GID4: variants seen among roughly 807,000 people sequenced by gnomAD.
GID4 encodes glucose-induced degradation protein 4 homolog.
A neutral mutation model predicts 32.4 loss-of-function variants in GID4; 7 were observed. The ratio of observed to expected loss-of-function variants is 0.22; its 90% CI spans 0.12 to 0.41. The LOEUF is 0.41. Ranked by LOEUF, GID4 falls within the 10% of genes least tolerant of loss-of-function variation. GID4 has a pLI of 1.00. For missense variants in GID4, 309 were observed against 400.0 expected (o/e 0.77, Z 1.94); for synonymous variants, 166 against 170.0 (o/e 0.98, Z 0.18).
At chr17:18,055,041 G>A (rs2044952108) in intron 3 of GID4, among the ~76,000 whole-genome samples, 1 of 151,988 alleles carries the variant, frequency 6.6e-6, no homozygotes, top group African/African-American at 2.4e-5. Flanking sequence ...CGTGGTGGTG[G>A]GCACCCGTAG....
intron 5 of GID4, among the ~76,000 whole-genome samples, 169 bp from the exon 6 acceptor site, chr17:18,065,011 A>G (rs933043166): frequency 1.3e-5 from 2 of 152,242 alleles, no homozygotes; most frequent in Non-Finnish European, 2.9e-5. Flanking sequence ...AAAAAAAGAA[A>G]GAATGAATGA....
chr17:18,058,821 C>A, intron 3 of GID4, 47 bp from the exon 4 acceptor site: 1 of 1,167,470 alleles, frequency 8.6e-7, no homozygotes, highest in Non-Finnish European at 1.3e-6. Context: ...CTGAGAGCAG[C>A]CTCTCCTTCT....
intron 1 of GID4, among the ~76,000 whole-genome samples, chr17:18,041,679 A>G (rs973035597): frequency 6.6e-6 from 1 of 152,138 alleles, no homozygotes; most frequent in African/African-American, 2.4e-5. Flanking sequence ...ATGATCTTGG[A>G]TTTGTCCCTG....
chr17:18,051,634 C>CACG (rs1291416740), intron 2 of GID4, among the ~76,000 whole-genome samples: 2 of 150,756 alleles, frequency 1.3e-5, no homozygotes, highest in African/African-American at 4.9e-5. Context: ...AAGGTTGTAC[C>CACG]ACTGCACACC....
intron 2 of GID4, among the ~76,000 whole-genome samples, chr17:18,046,731 G>C (rs62073571): frequency 0.015 from 2,310 of 152,108 alleles, 32 homozygotes; most frequent in Middle Eastern, 0.061. Flanking sequence ...AGACCAGCCT[G>C]GTCAACATGG....
chr17:18,040,031 T>TC, intron 1 of GID4, 129 bp downstream of exon 1: 1 of 1,199,112 alleles, frequency 8.3e-7, no homozygotes, highest in Non-Finnish European at 1.0e-6. Context: ...ACCCGGCGCT[T>TC]CCCACCCGGG....
At chr17:18,064,314 C>T (rs1403929310) in intron 5 of GID4, among the ~76,000 whole-genome samples, 1 of 152,220 alleles carries the variant, frequency 6.6e-6, no homozygotes, top group Non-Finnish European at 1.5e-5. Context: ...TCTCCACATC[C>T]TCCCTGGCAC....
chr17:18,051,938 G>T (rs1430198747), intron 2 of GID4, among the ~76,000 whole-genome samples: 1 of 151,784 alleles, frequency 6.6e-6, no homozygotes, highest in Non-Finnish European at 1.5e-5. Flanking sequence ...GACAGGCGTG[G>T]TGGCATGCAT....
At position 18,068,384 on chromosome 17, in the gene GID4, A is replaced by T. The variant is rs937310542; in HGVS notation, c.*3141A>T. 1 of 152,130 alleles carries T rather than the reference A, an allele frequency of 6.6e-6. No individual in the cohort carries two copies. The highest frequency in any genetic ancestry group is 2.4e-5 in the African/African-American group (1 of 41,288). The allele number at this position is 152,130 out of a possible 1,614,324, so 9.4% of individuals were successfully genotyped here. A position where few individuals can be genotyped will look rare whatever the true frequency, so the allele number is the denominator to read the frequency against. ...AATGTCCAAATAATTTAAAAAAAAA[A>T]ATAAAGGTATTTAAGCAGTGAGTTT... is the stretch of plus-strand genomic sequence containing the variant. On this transcript the variant is annotated 3_prime_UTR_variant, in exon 6 of 6. Transcript: ENST00000268719.
intron 4 of GID4, among the ~76,000 whole-genome samples, chr17:18,060,400 CAAAAA>C (rs919974638): frequency 6.6e-5 from 3 of 45,676 alleles, no homozygotes; most frequent in Admixed American, 2.6e-4. Context: ...TCTGTCTCAC[CAAAAA>C]AAAAAAAAAA....
At chr17:18,045,258 C>A in intron 2 of GID4, 52 bp downstream of exon 2, 1 of 1,457,602 alleles carries the variant, frequency 6.9e-7, no homozygotes, top group Non-Finnish European at 9.6e-7. Flanking sequence ...GTGTGCTCCA[C>A]AGGCTCATTG....
chr17:18,058,843 G>A (rs974512336), intron 3 of GID4, 25 bp from the exon 4 acceptor site: 9 of 1,421,286 alleles, frequency 6.3e-6, no homozygotes, highest in Admixed American at 3.4e-5. Context: ...TCAGTCAATC[G>A]GCACACTCTC....
At chr17:18,046,984 G>C (rs1567585217) in intron 2 of GID4, among the ~76,000 whole-genome samples, 1 of 151,868 alleles carries the variant, frequency 6.6e-6, no homozygotes, top group African/African-American at 2.4e-5. Flanking sequence ...ACTTGTTCTG[G>C]GGGTAAGGAA....
chr17:18,049,364 CA>C (rs576086309), intron 2 of GID4, among the ~76,000 whole-genome samples: 3,365 of 120,456 alleles, frequency 0.028, 110 homozygotes, highest in African/African-American at 0.079. Flanking sequence ...AGATAAGTGT[CA>C]AAAAAAAAAA....
intron 1 of GID4, among the ~76,000 whole-genome samples, chr17:18,042,320 C>T (rs978337398): frequency 1.3e-5 from 2 of 152,136 alleles, no homozygotes; most frequent in African/African-American, 2.4e-5. Flanking sequence ...TAGCCATAAC[C>T]CCCACTCCAA....
At position 18,067,607 on chromosome 17, in the gene GID4, A is replaced by G. The variant is rs2045078307; in HGVS notation, c.*2364A>G. The G allele has an allele frequency of 6.6e-6, 1 of 152,656 alleles. No homozygotes were observed. The highest frequency in any genetic ancestry group is 6.5e-5 in the Admixed American group (1 of 15,288). 9.5% of individuals were successfully genotyped at this position (152,656 alleles called of 1,614,324 possible). A position where few individuals can be genotyped will look rare whatever the true frequency, so the allele number is the denominator to read the frequency against. ...TCCTCTTAGTAACTCCTGAATTACCAACATCAACTTCTTTCTCTCCGTTCC... is the reference window on the plus strand; with the variant it reads ...TCCTCTTAGTAACTCCTGAATTACCGACATCAACTTCTTTCTCTCCGTTCC... On this transcript the variant is annotated 3_prime_UTR_variant, in exon 6 of 6. Coordinates refer to ENST00000268719, the MANE Select transcript of GID4 (RefSeq NM_024052.5).
chr17:18,045,033 C>A, intron 1 of GID4, 114 bp from the exon 2 acceptor site: 2 of 737,324 alleles, frequency 2.7e-6, no homozygotes, highest in Non-Finnish European at 2.4e-6. Context: ...CCTTGGACTG[C>A]CCTGGGTGTT....
rs1392018451 is a variant in GID4, at chr17:18,039,410, G to GTGTGTGTCTGTGTGTGTTTGTGTGT, written c.-42_-18dup. 2 of 1,232,972 alleles carry GTGTGTGTCTGTGTGTGTTTGTGTGT rather than the reference G, an allele frequency of 1.6e-6. No homozygotes were observed. Among genetic ancestry groups the GTGTGTGTCTGTGTGTGTTTGTGTGT allele is most frequent in the South Asian group, 1.6e-5 (1 of 60,684 alleles). The allele number at this position is 1,232,972 out of a possible 1,614,324, so 76.4% of individuals were successfully genotyped here. ...GAGCCAATCGGAAGGGGCGGGGTGT[G>GTGTGTGTCTGTGTGTGTTTGTGTGT]TGTGTGTCTGTGTGTGTTTGTGTGT... is the stretch of plus-strand genomic sequence containing the variant. On this transcript the variant is annotated 5_prime_UTR_variant, in exon 1 of 6. Transcript: ENST00000268719. The surrounding 1 kb of genome is among the most constrained non-coding windows in gnomAD (Gnocchi z 5.3).
In GID4 at chr17:18,066,786, T is replaced by C. The variant is rs2045068134; in HGVS notation, c.*1543T>C. On this transcript the variant is annotated 3_prime_UTR_variant, in exon 6 of 6. Coordinates refer to ENST00000268719, the MANE Select transcript of GID4 (RefSeq NM_024052.5). ...AGAAGTGACTTTAATTTTATTGACA[T>C]ATGTACTGTATGTTACTGAGATTGA... is the stretch of plus-strand genomic sequence containing the variant. 1 of 152,140 alleles carries C rather than the reference T, an allele frequency of 6.6e-6. No homozygotes were observed. The highest frequency in any genetic ancestry group is 2.1e-4 in the South Asian group (1 of 4,824). 9.4% of individuals were successfully genotyped at this position (152,140 alleles called of 1,614,324 possible).
Sources: allele counts gnomAD v4.1 joint callset (sites outside exome capture counted in the v4.1 genomes callset), GRCh38; gene constraint gnomAD v4.1.1; non-coding constraint Gnocchi (gnomAD v3.1); transcripts MANE v1.5; gene names NCBI Gene and HGNC (gene_info 2026-07-23, HGNC 2026-07-21).